NMT2: variants seen among roughly 807,000 people sequenced by gnomAD.
The protein encoded by NMT2 is glycylpeptide N-tetradecanoyltransferase 2.
Under a neutral mutation model 65.4 loss-of-function variants are expected in NMT2, and 35 were observed. The observed-to-expected ratio is 0.54, with a 90% CI of 0.41 to 0.71. The LOEUF (loss-of-function observed/expected upper bound fraction) is 0.71, where lower values mean the gene tolerates loss of function less well. NMT2 is among the 30% of genes least tolerant of loss of function. The pLI is 0.00. For synonymous variants in NMT2, 226 were observed against 231.8 expected (o/e 0.98, Z 0.23); for missense variants, 489 against 611.3 (o/e 0.80, Z 2.11).
chr10:15,154,201 C>G (rs1832909828), intron 1 of NMT2, among the ~76,000 whole-genome samples: 1 of 152,194 alleles, frequency 6.6e-6, no homozygotes, highest in Non-Finnish European at 1.5e-5. Context: ...ATATCCCAGC[C>G]AGCAGGAGGG....
chr10:15,151,058 C>CCTT (rs1433575640), intron 1 of NMT2, among the ~76,000 whole-genome samples: 2 of 143,952 alleles, frequency 1.4e-5, no homozygotes, highest in African/African-American at 5.5e-5. Flanking sequence ...TTAGCTTCCT[C>CCTT]CTTTTTTTTT....
intron 1 of NMT2, among the ~76,000 whole-genome samples, chr10:15,144,953 A>T (rs1050824220): frequency 2.6e-5 from 4 of 152,172 alleles, no homozygotes; most frequent in Admixed American, 1.3e-4. Flanking sequence ...GTTCACAAAT[A>T]CTCATAGCAG....
At chr10:15,143,585 G>T (rs1177365473) in intron 1 of NMT2, among the ~76,000 whole-genome samples, 1 of 152,220 alleles carries the variant, frequency 6.6e-6, no homozygotes, top group Non-Finnish European at 1.5e-5. Context: ...AGCCAGGCAT[G>T]GTGGCTCACG....
chr10:15,125,311 G>C (rs1051011144), intron 8 of NMT2, among the ~76,000 whole-genome samples: 2 of 152,222 alleles, frequency 1.3e-5, no homozygotes, highest in Admixed American at 6.5e-5. Flanking sequence ...CAGGTTCACT[G>C]GAAGTAAGAT....
In NMT2 at chr10:15,133,144, G is replaced by A; in HGVS notation, c.511C>T (p.Leu171Phe). 1 of 1,611,876 alleles carries A rather than the reference G, an allele frequency of 6.2e-7. No individual in the cohort carries two copies. Among genetic ancestry groups the A allele is most frequent in the Non-Finnish European group, 8.5e-7 (1 of 1,177,966 alleles). ...TTTAACAACGTGTATAACTCCTTGA[G>A]CTATAAGATAAAACAAGTGTCCTAT... ...DTLDLSDAEVLKELYTLLNEN... is the reference protein window; with the variant it reads ...DTLDLSDAEVFKELYTLLNEN... The change falls in exon 5 of 12, where the codon CTC becomes TTC. Residue 171 changes from leucine to phenylalanine, a missense_variant and splice_region_variant. By Grantham distance (22) the Leu-to-Phe change is conservative (BLOSUM62 0). Transcript: ENST00000378165.
At chr10:15,132,968 T>C (rs1846337297) in intron 5 of NMT2, 35 bp from the exon 6 acceptor site, 2 of 1,601,396 alleles carry the variant, frequency 1.2e-6, no homozygotes, top group Admixed American at 1.7e-5. Context: ...CAGGCACCAG[T>C]TATTGTCCAA....
intron 7 of NMT2, 71 bp from the exon 8 acceptor site, chr10:15,128,529 T>C (rs1846173911): frequency 2.1e-6 from 2 of 970,120 alleles, no homozygotes; most frequent in Admixed American, 3.8e-5. Context: ...TTGTCTCAGC[T>C]TGGCTGTTAC....
At chr10:15,143,576 G>A (rs898421649) in intron 1 of NMT2, among the ~76,000 whole-genome samples, 4 of 152,228 alleles carry the variant, frequency 2.6e-5, no homozygotes, top group Non-Finnish European at 5.9e-5. Flanking sequence ...AATTTGCTCA[G>A]CCAGGCATGG....
intron 3 of NMT2, among the ~76,000 whole-genome samples, chr10:15,134,222 C>G (rs1351439729): frequency 6.6e-6 from 1 of 152,172 alleles, no homozygotes; most frequent in African/African-American, 2.4e-5. Flanking sequence ...AAGAGTTTTC[C>G]AAGTCCTTCT....
At chr10:15,158,345 A>G (rs1833072417) in intron 1 of NMT2, among the ~76,000 whole-genome samples, 1 of 152,024 alleles carries the variant, frequency 6.6e-6, no homozygotes, top group Admixed American at 6.6e-5. Context: ...ATACATAAGC[A>G]TATGCCAAGA....
chr10:15,164,276 C>T (rs1833304191), intron 1 of NMT2, among the ~76,000 whole-genome samples: 1 of 151,092 alleles, frequency 6.6e-6, no homozygotes, highest in Non-Finnish European at 1.5e-5. Context: ...AAAACATACT[C>T]ACCTATGTTT....
In NMT2 at chr10:15,145,537, G is replaced by A. The variant is rs576004326; in HGVS notation, c.111-3980C>T. ...TGGGATTACAGGCACGTGCCACCAC[G>A]TCCAGCTAATTTTTATATTTTTAGT... On this transcript the variant is annotated intron_variant, in intron 1 of 11. Coordinates refer to ENST00000378165, the MANE Select transcript of NMT2 (RefSeq NM_004808.3). Among the ~76,000 whole-genome samples the A allele has an allele frequency of 1.0e-3, 152 of 152,136 alleles. 1 individual carries two copies. The highest frequency in any genetic ancestry group is 3.3e-3 in the African/African-American group (138 of 41,504).
chr10:15,131,015 C>G (rs1016775920), intron 6 of NMT2, among the ~76,000 whole-genome samples: 3 of 152,020 alleles, frequency 2.0e-5, no homozygotes, highest in Non-Finnish European at 4.4e-5. Context: ...GTCTCGCATT[C>G]CTGACCTCAT....
At chr10:15,133,479 C>G in intron 3 of NMT2, 116 bp from the exon 4 acceptor site, 1 of 739,860 alleles carries the variant, frequency 1.4e-6, no homozygotes, top group East Asian at 2.5e-5. Flanking sequence ...TTAGGGCCCT[C>G]GGGTTTCAGA....
At chr10:15,165,196 C>CT (rs1441196309) in intron 1 of NMT2, among the ~76,000 whole-genome samples, 1 of 143,052 alleles carries the variant, frequency 7.0e-6, no homozygotes, top group Non-Finnish European at 1.5e-5. Flanking sequence ...TCCAGGTCAC[C>CT]TTTTTGTACC....
At chr10:15,145,419 G>A (rs547943186) in intron 1 of NMT2, among the ~76,000 whole-genome samples, 12 of 152,180 alleles carry the variant, frequency 7.9e-5, no homozygotes, top group South Asian at 2.1e-4. Flanking sequence ...TCACTTTGTC[G>A]CCCAGGCTGG....
chr10:15,123,821 C>T (rs979665600), intron 8 of NMT2, among the ~76,000 whole-genome samples: 9 of 152,118 alleles, frequency 5.9e-5, no homozygotes, highest in East Asian at 1.9e-4. Flanking sequence ...TGGGCCTCTA[C>T]GTAGATTGAA....
intron 2 of NMT2, among the ~76,000 whole-genome samples, chr10:15,136,372 G>C (rs1368735731): frequency 6.8e-6 from 1 of 147,244 alleles, no homozygotes; most frequent in African/African-American, 2.5e-5. Context: ...GAGGGAGCGA[G>C]GGAGGAAGGA....
At chr10:15,162,566 A>G (rs1349977841) in intron 1 of NMT2, among the ~76,000 whole-genome samples, 1 of 151,906 alleles carries the variant, frequency 6.6e-6, no homozygotes, top group Non-Finnish European at 1.5e-5. Flanking sequence ...AAGTTCCAGC[A>G]CACAACAATA....
Sources: allele counts gnomAD v4.1 joint callset (sites outside exome capture counted in the v4.1 genomes callset), GRCh38; gene constraint gnomAD v4.1.1; transcripts MANE v1.5; gene names NCBI Gene and HGNC (gene_info 2026-07-23, HGNC 2026-07-21).